TNRC18: variants seen among roughly 807,000 people sequenced by gnomAD.
TNRC18 encodes trinucleotide repeat containing 18.
In TNRC18, 69 loss-of-function variants were observed where a neutral mutation model predicts 226.7. The ratio of observed to expected loss-of-function variants is 0.30; its 90% CI spans 0.25 to 0.37. The LOEUF (loss-of-function observed/expected upper bound fraction) is 0.37. Among genes scored for constraint, TNRC18 ranks in the 10% least tolerant of loss-of-function variants. The pLI, the probability that TNRC18 is intolerant of heterozygous loss-of-function variation, is 1.00. For missense variants in TNRC18, 4,754 were observed against 4,256.6 expected (o/e 1.12, Z -3.25); for synonymous variants, 2,449 against 1,927.6 (o/e 1.27, Z -7.09).
In TNRC18 at chr7:5,315,148, C is replaced by G; in HGVS notation, c.6863G>C (p.Cys2288Ser). 1 of 1,611,436 alleles carries G rather than the reference C, an allele frequency of 6.2e-7. No homozygotes were observed. Among genetic ancestry groups the G allele is most frequent in the Non-Finnish European group, 8.5e-7 (1 of 1,179,258 alleles). ...RLLPPDYKIQ[C>S]AEPSPALLVP... is the part of the protein sequence containing the mutation. Reference sequence around the variant, plus strand: ...CAGAAGGGCCGGGGACGGCTCAGCACCTGTGGGGCAGAGGACAGAGTGGCT... The same window carrying G: ...CAGAAGGGCCGGGGACGGCTCAGCAGCTGTGGGGCAGAGGACAGAGTGGCT... Residue 2288 changes from cysteine (C) to serine (S), a missense_variant and splice_region_variant, in exon 26 of 30, where the codon TGT (cysteine) becomes TCT (serine). Coordinates refer to ENST00000430969, the MANE Select transcript of TNRC18 (RefSeq NM_001080495.3).
chr7:5,358,098 C>T (rs1003361717), intron 15 of TNRC18, among the ~76,000 whole-genome samples: 6 of 152,150 alleles, frequency 3.9e-5, no homozygotes, highest in Non-Finnish European at 5.9e-5. Context: ...CCTATCTCAG[C>T]CACCTACAGC....
intron 18 of TNRC18, 45 bp downstream of exon 18, chr7:5,345,517 G>GACCCCCCCC: frequency 2.1e-5 from 8 of 377,744 alleles, no homozygotes; most frequent in South Asian, 8.8e-5. Flanking sequence ...AATGGCGTCC[G>GACCCCCCCC]CCCCTCCCAC....
rs748119810 is a variant in TNRC18 at position 5,361,628 on chromosome 7, G to T, written c.4627C>A (p.Arg1543Ser). Residue 1543 changes from arginine (R) to serine (S), a missense_variant, in exon 14 of 30, where the codon CGC becomes AGC. By Grantham distance (110) the Arg-to-Ser change is moderately radical. Coordinates refer to ENST00000430969, the MANE Select transcript of TNRC18 (RefSeq NM_001080495.3). ...THAPSALSPP[R>S]KRGKSGHSSG... The stretch of plus-strand genomic sequence containing the variant: ...CTGTGGCCGCTCTTCCCTCTCTTGC[G>T]GGGGGGCGACAGGGCGCTCGGGGCG... 4.3e-5 allele frequency: 66 copies of T among 1,543,942 alleles called. No individual in the cohort carries two copies. The highest frequency in any genetic ancestry group is 7.5e-5 in the East Asian group (3 of 40,144).
chr7:5,409,915 C>T (rs571782712), intron 2 of TNRC18, among the ~76,000 whole-genome samples: 1 of 147,760 alleles, frequency 6.8e-6, no homozygotes, highest in Non-Finnish European at 1.5e-5. Context: ...GACATGAACC[C>T]GGGAGGTGGA....
chr7:5,382,305 CCT>C (rs1343473680), intron 5 of TNRC18, among the ~76,000 whole-genome samples: 3 of 152,230 alleles, frequency 2.0e-5, no homozygotes, highest in African/African-American at 7.2e-5. Flanking sequence ...ACTGCCGCCC[CCT>C]CTCTGCAGGC....
chr7:5,382,833 G>A lies in TNRC18; in HGVS notation c.2153-4809C>T, dbSNP rs1299621508. 3.3e-5 allele frequency among the ~76,000 whole-genome samples: 5 copies of A among 152,214 alleles called. No individual in the cohort carries two copies. In the East Asian group the frequency reaches 7.7e-4, roughly 24 times the overall value. Reference sequence around the variant, plus strand: ...CAGCCCCTCCTCTGCACAGGTCCACGCCCTCACAGGAGACCTCATGGAGCT... The same window carrying A: ...CAGCCCCTCCTCTGCACAGGTCCACACCCTCACAGGAGACCTCATGGAGCT... On this transcript the variant is annotated intron_variant, in intron 5 of 29. Coordinates refer to ENST00000430969, the MANE Select transcript of TNRC18 (RefSeq NM_001080495.3).
At chr7:5,344,954 G>C (rs1367288768) in intron 18 of TNRC18, among the ~76,000 whole-genome samples, 1 of 152,152 alleles carries the variant, frequency 6.6e-6, no homozygotes, top group Non-Finnish European at 1.5e-5. Flanking sequence ...GTGAGTGCCT[G>C]CTGCCTTGGT....
At chr7:5,360,173 T>C (rs540313715) in intron 14 of TNRC18, among the ~76,000 whole-genome samples, 1 of 152,242 alleles carries the variant, frequency 6.6e-6, no homozygotes, top group South Asian at 2.1e-4. Context: ...TGGCTTTATA[T>C]TTTGGCCACA....
intron 16 of TNRC18, among the ~76,000 whole-genome samples, chr7:5,355,070 CAAA>C (rs1792212932): frequency 1.3e-5 from 2 of 152,180 alleles, no homozygotes; most frequent in East Asian, 3.9e-4. Flanking sequence ...ATTCCCAGAA[CAAA>C]CACCACTGAC....
chr7:5,374,338 G>C lies in TNRC18; in HGVS notation c.2946C>G (p.Pro982=), dbSNP rs1451806696. The change falls in exon 10 of 30, where the codon CCC becomes CCG. Residue 982 remains proline, a synonymous_variant. Transcript: ENST00000430969. ...PRKPPGLAAG[P]AGTYGKAVSP... ...TCACGGCCTTGCCGTAGGTGCCCGC[G>C]GGGCCGGCGGCCAGGCCAGGGGGCT... 4.2e-6 allele frequency: 6 copies of C among 1,421,822 alleles called. No individual in the cohort carries two copies. The East Asian group carries it at 1.7e-4, about 41-fold the overall frequency. The allele number at this position is 1,421,822 out of a possible 1,614,324, so 88.1% of individuals were successfully genotyped here.
intron 18 of TNRC18, among the ~76,000 whole-genome samples, chr7:5,339,576 TG>T (rs1790476333): frequency 1.3e-5 from 2 of 148,610 alleles, no homozygotes; most frequent in Non-Finnish European, 3.0e-5. Context: ...TGTGTGTGTG[TG>T]TTTTTCGACA....
At chr7:5,323,489 C>T (rs1325128114) in intron 21 of TNRC18, among the ~76,000 whole-genome samples, 2 of 151,658 alleles carry the variant, frequency 1.3e-5, no homozygotes, top group African/African-American at 4.9e-5. Context: ...AACCCACTCT[C>T]GCCTGGACAG....
intron 2 of TNRC18, among the ~76,000 whole-genome samples, chr7:5,408,315 A>G (rs1392653827): frequency 2.0e-5 from 3 of 151,258 alleles, no homozygotes; most frequent in African/African-American, 7.3e-5. Context: ...AAAAAAAAAA[A>G]ATGGAACGAA....
Position 5,309,412 on chromosome 7 carries a change from C to T in TNRC18, c.8389-44G>A. The T allele has an allele frequency of 6.5e-7, 1 of 1,537,478 alleles. No individual in the cohort carries two copies. The highest frequency in any genetic ancestry group is 8.8e-7 in the Non-Finnish European group (1 of 1,136,890). On this transcript the variant is annotated intron_variant, in intron 27 of 29. Transcript: ENST00000430969. This position sits in a 1 kb window ranked among gnomAD's most constrained non-coding sequence, Gnocchi z 5.7. Reference sequence around the variant, plus strand: ...CACGGCACAGGCCCTGGCCCAGCCCCAAGGAGCCCGCCGCCTGGCAGGCTC... The same window carrying T: ...CACGGCACAGGCCCTGGCCCAGCCCTAAGGAGCCCGCCGCCTGGCAGGCTC...
At chr7:5,414,969 T>C (rs1290217786) in intron 2 of TNRC18, among the ~76,000 whole-genome samples, 2 of 152,200 alleles carry the variant, frequency 1.3e-5, no homozygotes, top group East Asian at 3.8e-4. Flanking sequence ...TTCTCCGCCT[T>C]CCTCTGCCTT....
intron 10 of TNRC18, 56 bp downstream of exon 10, chr7:5,373,999 C>G: frequency 7.5e-7 from 1 of 1,341,366 alleles, no homozygotes. Context: ...GATGGATGAG[C>G]AGTTTTACCG....
rs759450009 is a variant in TNRC18 at position 5,420,369 on chromosome 7, C to T, written c.187+691G>A. On this transcript the variant is annotated intron_variant, in intron 2 of 29. Coordinates refer to ENST00000430969, the MANE Select transcript of TNRC18 (RefSeq NM_001080495.3). ...CCGCGATGGTCCGGTTTCGGTGTCC[C>T]TGCCGCACCTCCGCACCCTCTTTCG... 13 of 456,090 alleles carry T rather than the reference C, an allele frequency of 2.9e-5. 1 individual carries two copies. Among genetic ancestry groups the T allele is most frequent in the Admixed American group, 2.3e-4 (10 of 42,556 alleles). The allele number at this position is 456,090 out of a possible 1,614,324, so 28.3% of individuals were successfully genotyped here. A position where few individuals can be genotyped will look rare whatever the true frequency, so the allele number is the denominator to read the frequency against.
At chr7:5,330,414 T>G (rs1348339966) in intron 19 of TNRC18, among the ~76,000 whole-genome samples, 6 of 120,756 alleles carry the variant, frequency 5.0e-5, no homozygotes, top group Non-Finnish European at 7.8e-5. Context: ...TTTTTTGTTG[T>G]TTTTTTTTTT....
chr7:5,358,638 A>AC (rs1055879697), intron 15 of TNRC18, among the ~76,000 whole-genome samples: 2 of 152,060 alleles, frequency 1.3e-5, no homozygotes, highest in Non-Finnish European at 2.9e-5. Flanking sequence ...AGATGGTGAA[A>AC]CCCCATCTCT....
Sources: allele counts gnomAD v4.1 joint callset (sites outside exome capture counted in the v4.1 genomes callset), GRCh38; gene constraint gnomAD v4.1.1; non-coding constraint Gnocchi (gnomAD v3.1); transcripts MANE v1.5; gene names NCBI Gene and HGNC (gene_info 2026-07-23, HGNC 2026-07-21).